CAMK2D: variants seen among roughly 807,000 people sequenced by gnomAD.
CAMK2D encodes calcium/calmodulin-dependent protein kinase type II subunit delta.
A neutral mutation model predicts 84.0 loss-of-function variants in CAMK2D; 37 were observed. The observed-to-expected ratio is 0.44, with a 90% CI of 0.34 to 0.58. CAMK2D has a LOEUF of 0.58. Ranked by LOEUF, CAMK2D falls within the 20% of genes least tolerant of loss-of-function variation. The probability of loss-of-function intolerance (pLI) is 0.02; values close to 1 mark genes in which losing one functional copy is unlikely to be tolerated. For missense variants in CAMK2D, 448 were observed against 652.5 expected, an observed-to-expected ratio of 0.69 and a Z score of 3.41; for synonymous variants, 202 against 212.5, an observed-to-expected ratio of 0.95 and a Z score of 0.43.
At chr4:113,588,167 T>A (rs562858406) in intron 4 of CAMK2D, among the ~76,000 whole-genome samples, 67 of 152,162 alleles carry the variant, frequency 4.4e-4, no homozygotes, top group Admixed American at 7.9e-4. Flanking sequence ...TGGCACCTTG[T>A]GGGTTTGAGA....
intron 9 of CAMK2D, among the ~76,000 whole-genome samples, chr4:113,516,634 T>C (rs200567651): frequency 1.4e-4 from 4 of 28,216 alleles, no homozygotes; most frequent in Non-Finnish European, 2.6e-4. Flanking sequence ...AAATAGAAAA[T>C]TTTTATCAGA....
chr4:113,661,332 A>C (rs2099231043), intron 3 of CAMK2D, among the ~76,000 whole-genome samples: 1 of 152,076 alleles, frequency 6.6e-6, no homozygotes, highest in Non-Finnish European at 1.5e-5. Flanking sequence ...AACATAGCAG[A>C]CTCCAAATTA....
Position 113,517,629 on chromosome 4 carries a change from C to A in CAMK2D, c.630G>T (p.Gly210=), listed in dbSNP as rs1160994157. The A allele has an allele frequency of 1.3e-6, 2 of 1,577,146 alleles. No homozygotes were observed. Among genetic ancestry groups the A allele is most frequent in the Admixed American group, 1.7e-5 (1 of 59,894 alleles). Residue 210 remains glycine, a synonymous_variant, in exon 9 of 21, where the codon GGG becomes GGT. Coordinates refer to ENST00000511664, the MANE Select transcript of CAMK2D (RefSeq NM_001321571.2). ...GGTCTTCATCCCAGAAGGGTGGATA[C>A]CCCACAAGTAGAATATAGAGAATGA... ...CGVILYILLV[G]YPPFWDEDQH...
intron 3 of CAMK2D, among the ~76,000 whole-genome samples, chr4:113,612,659 G>T (rs1420715784): frequency 6.6e-6 from 1 of 152,174 alleles, no homozygotes; most frequent in Non-Finnish European, 1.5e-5. Context: ...AAACATTTGA[G>T]AAAACAGGTT....
chr4:113,603,660 A>C (rs1181731066), intron 4 of CAMK2D, among the ~76,000 whole-genome samples: 1 of 150,014 alleles, frequency 6.7e-6, no homozygotes, highest in Non-Finnish European at 1.5e-5. Context: ...TAGATAACTG[A>C]ATAAAAATAT....
chr4:113,741,932 C>T (rs1422037166), intron 2 of CAMK2D, among the ~76,000 whole-genome samples: 2 of 152,170 alleles, frequency 1.3e-5, no homozygotes, highest in Non-Finnish European at 1.5e-5. Context: ...TTCTTTTCAT[C>T]GTTAATGCCT....
chr4:113,705,978 C>T (rs991282685), intron 2 of CAMK2D, among the ~76,000 whole-genome samples: 27 of 152,044 alleles, frequency 1.8e-4, no homozygotes, highest in Admixed American at 1.1e-3. Context: ...GACAGAGACA[C>T]GGGCGGTGTG....
rs932193750 is a variant in CAMK2D, at chr4:113,564,233, C to T, written c.276-12137G>A. Among the ~76,000 whole-genome samples the T allele has an allele frequency of 2.6e-5, 4 of 152,122 alleles. No individual in the cohort carries two copies. The South Asian group carries it at 8.3e-4, about 32-fold the overall frequency. ...TAGAGTACATAGTTTCAGGCCTTTA[C>T]CATGACATGCATGGACCTCCATAAC... On this transcript the variant is annotated intron_variant, in intron 4 of 20. Coordinates refer to ENST00000511664, the MANE Select transcript of CAMK2D (RefSeq NM_001321571.2).
In CAMK2D at chr4:113,552,032, T is replaced by A; in HGVS notation, c.340A>T (p.Ser114Cys). The change falls in exon 5 of 21, where the codon AGT (serine) becomes TGT (cysteine). Residue 114 changes from serine (S) to cysteine (C), a missense_variant and splice_region_variant. Physicochemically the swap from Ser to Cys is moderately radical, Grantham distance 112 (BLOSUM62 -1). Transcript: ENST00000511664. ...AREYYSEADA[S>C]HCIQQILEAV... ...TCTTGCCCAGGGCAAGTCACTTACCTGGCATCAGCTTCACTGTAGTATTCT... is the reference window on the plus strand; with the variant it reads ...TCTTGCCCAGGGCAAGTCACTTACCAGGCATCAGCTTCACTGTAGTATTCT... 1 of 1,536,172 alleles carries A rather than the reference T, an allele frequency of 6.5e-7. No individual in the cohort carries two copies. The highest frequency in any genetic ancestry group is 9.0e-7 in the Non-Finnish European group (1 of 1,116,474).
In CAMK2D at chr4:113,454,438, G is replaced by C. The variant is rs552196679; in HGVS notation, c.*107C>G. ...ATGCACTCAGAAACATGCATGAAGA[G>C]GAGGAGAGGACGGCCCAGGGTCACC... is the stretch of plus-strand genomic sequence containing the variant. On this transcript the variant is annotated 3_prime_UTR_variant, in exon 21 of 21. Coordinates refer to ENST00000511664, the MANE Select transcript of CAMK2D (RefSeq NM_001321571.2). The C allele has an allele frequency of 6.7e-4, 518 of 770,640 alleles. 6 individuals carry two copies. The South Asian group carries it at 6.9e-3, about 10-fold the overall frequency. 47.7% of individuals were successfully genotyped at this position (770,640 alleles called of 1,614,324 possible). A position where few individuals can be genotyped will look rare whatever the true frequency, so the allele number is the denominator to read the frequency against.
chr4:113,494,467 G>C (rs1006826134), intron 16 of CAMK2D, among the ~76,000 whole-genome samples: 1 of 152,196 alleles, frequency 6.6e-6, no homozygotes, highest in Non-Finnish European at 1.5e-5. Flanking sequence ...TCAGGGGTCA[G>C]GGACCCACTT....
intron 4 of CAMK2D, among the ~76,000 whole-genome samples, chr4:113,583,852 T>C (rs575943840): frequency 2.0e-5 from 3 of 152,314 alleles, no homozygotes; most frequent in South Asian, 4.2e-4. Flanking sequence ...ATGTGCATTT[T>C]ATTCCCATTG....
chr4:113,659,846 G>A (rs1446252488), intron 3 of CAMK2D, among the ~76,000 whole-genome samples: 2 of 152,174 alleles, frequency 1.3e-5, no homozygotes, highest in African/African-American at 2.4e-5. Flanking sequence ...CCTCAAACCA[G>A]AAGGTTCCTT....
At chr4:113,739,594 G>T (rs183549179) in intron 2 of CAMK2D, among the ~76,000 whole-genome samples, 5 of 152,186 alleles carry the variant, frequency 3.3e-5, no homozygotes, top group Admixed American at 2.6e-4. Context: ...AGTAATAATT[G>T]ACATGAGTAA....
At chr4:113,640,077 A>G (rs576936075) in intron 3 of CAMK2D, among the ~76,000 whole-genome samples, 19 of 151,890 alleles carry the variant, frequency 1.3e-4, no homozygotes, top group African/African-American at 3.9e-4. Flanking sequence ...ATGACACCAG[A>G]TTTCTAGCTT....
At chr4:113,503,496 A>C (rs1238115755) in intron 14 of CAMK2D, among the ~76,000 whole-genome samples, 1 of 152,190 alleles carries the variant, frequency 6.6e-6, no homozygotes, top group African/African-American at 2.4e-5. Context: ...CACTTAAAAA[A>C]AGACTATACT....
chr4:113,644,814 CA>C (rs1398108410), intron 3 of CAMK2D, among the ~76,000 whole-genome samples: 1 of 151,994 alleles, frequency 6.6e-6, no homozygotes, highest in Non-Finnish European at 1.5e-5. Context: ...CCGGGAGACA[CA>C]AATAAAGCTA....
Position 113,727,180 on chromosome 4 carries a change from T to C in CAMK2D, c.160+32140A>G, listed in dbSNP as rs143817926. 5.3e-5 allele frequency among the ~76,000 whole-genome samples: 8 copies of C among 152,290 alleles called. No individual in the cohort carries two copies. In the East Asian group the frequency reaches 1.5e-3, roughly 29 times the overall value. ...TCACAAAATTAATGTAGAGATTCAA[T>C]GCCATTCAAAGAAACATCAGGACAG... On this transcript the variant is annotated intron_variant, in intron 2 of 20. Coordinates refer to ENST00000511664, the MANE Select transcript of CAMK2D (RefSeq NM_001321571.2).
chr4:113,583,132 G>A (rs192170909), intron 4 of CAMK2D, among the ~76,000 whole-genome samples: 44 of 152,154 alleles, frequency 2.9e-4, no homozygotes, highest in Non-Finnish European at 4.4e-4. Flanking sequence ...CTTGAGTGTT[G>A]CCCTCAGTCT....
Sources: allele counts gnomAD v4.1 joint callset (sites outside exome capture counted in the v4.1 genomes callset), GRCh38; gene constraint gnomAD v4.1.1; transcripts MANE v1.5; gene names NCBI Gene and HGNC (gene_info 2026-07-23, HGNC 2026-07-21).